MPPED1: variants seen among roughly 807,000 people sequenced by gnomAD.
MPPED1 encodes the protein metallophosphoesterase domain-containing protein 1.
A neutral mutation model predicts 36.2 loss-of-function variants in MPPED1; 16 were observed. That is an observed-to-expected ratio of 0.44 (90% confidence interval 0.30 to 0.67). The LOEUF (loss-of-function observed/expected upper bound fraction) is 0.67. Ranked by LOEUF, MPPED1 falls within the 30% of genes least tolerant of loss-of-function variation. The probability of loss-of-function intolerance (pLI) is 0.10; values close to 1 mark genes in which losing one functional copy is unlikely to be tolerated. For missense variants in MPPED1, 307 were observed against 453.4 expected, an observed-to-expected ratio of 0.68 and a Z score of 2.93; for synonymous variants, 199 against 191.3, an observed-to-expected ratio of 1.04 and a Z score of -0.33.
At chr22:43,435,010 C>T in intron 2 of MPPED1, 24 bp from the exon 3 acceptor site, 1 of 1,608,360 alleles carries the variant, frequency 6.2e-7, no homozygotes. Flanking sequence ...GCCTCCTGAT[C>T]CGCAGTGTCA....
At chr22:43,458,059 G>A (rs1930816905) in intron 3 of MPPED1, among the ~76,000 whole-genome samples, 2 of 152,280 alleles carry the variant, frequency 1.3e-5, no homozygotes, top group South Asian at 2.1e-4. Context: ...GTACAGGTTT[G>A]TAGCCTGTAG....
rs1429938813 is a variant in MPPED1 at position 43,463,857 on chromosome 22, TTCTTTCTTTCTTTCTTTC to T, written c.407-10871_407-10854del. 5.6e-5 allele frequency among the ~76,000 whole-genome samples: 8 copies of T among 143,806 alleles called. No individual in the cohort carries two copies. In the Admixed American group the frequency reaches 5.6e-4, roughly 10 times the overall value. 94.3% of individuals were successfully genotyped at this position (143,806 alleles called of 152,430 possible). ...TTTCTTTCTTTCTTTCTTTCTTTCT[TTCTTTCTTTCTTTCTTTC>T]TCTTTCTGTCTGTCTGTCTTTCTTT... On this transcript the variant is annotated intron_variant, in intron 3 of 6. Coordinates refer to ENST00000443721, the MANE Select transcript of MPPED1 (RefSeq NM_001044370.2).
intron 3 of MPPED1, among the ~76,000 whole-genome samples, chr22:43,473,481 C>T (rs887529206): frequency 6.6e-6 from 1 of 152,216 alleles, no homozygotes; most frequent in African/African-American, 2.4e-5. Context: ...GCTGTGCTGG[C>T]GTCTTTGCTA....
At chr22:43,493,557 A>C (rs1490190603) in intron 4 of MPPED1, among the ~76,000 whole-genome samples, 1 of 152,220 alleles carries the variant, frequency 6.6e-6, no homozygotes, top group Non-Finnish European at 1.5e-5. Context: ...GGGGGCCGGC[A>C]CGCCAGGACC....
intron 3 of MPPED1, among the ~76,000 whole-genome samples, chr22:43,456,834 T>A (rs1315347498): frequency 6.6e-6 from 1 of 152,206 alleles, no homozygotes; most frequent in Non-Finnish European, 1.5e-5. Flanking sequence ...AAGGGTGTTT[T>A]ATTTTGTCAA....
chr22:43,473,119 C>A (rs908150292), intron 3 of MPPED1, among the ~76,000 whole-genome samples: 3 of 152,252 alleles, frequency 2.0e-5, no homozygotes, highest in Non-Finnish European at 2.9e-5. Context: ...CCATGGAATG[C>A]TCACACAGCG....
chr22:43,434,952 T>C (rs1377115617), intron 2 of MPPED1, 82 bp from the exon 3 acceptor site: 16 of 1,425,996 alleles, frequency 1.1e-5, no homozygotes, highest in Non-Finnish European at 1.5e-5. Context: ...CTGTGAGCTG[T>C]GGTGGATGGG....
chr22:43,446,589 A>G (rs549720971), intron 3 of MPPED1, among the ~76,000 whole-genome samples: 2 of 152,130 alleles, frequency 1.3e-5, no homozygotes, highest in Non-Finnish European at 2.9e-5. Flanking sequence ...AGTCTGAGCA[A>G]GTGAGTGGAA....
chr22:43,452,522 C>G (rs1930606911), intron 3 of MPPED1, among the ~76,000 whole-genome samples: 1 of 152,134 alleles, frequency 6.6e-6, no homozygotes, highest in Non-Finnish European at 1.5e-5. Context: ...AGAAAGAGAA[C>G]TGGGGAATGG....
chr22:43,500,744 G>A (rs117181574), intron 5 of MPPED1, among the ~76,000 whole-genome samples: 1 of 152,188 alleles, frequency 6.6e-6, no homozygotes, highest in East Asian at 1.9e-4. Flanking sequence ...GCCTGGGTTG[G>A]AGGGCCCCCA....
At chr22:43,447,872 TA>T (rs1930407353) in intron 3 of MPPED1, among the ~76,000 whole-genome samples, 3 of 29,476 alleles carry the variant, frequency 1.0e-4, no homozygotes, top group Non-Finnish European at 1.2e-4. Flanking sequence ...TATATATATA[TA>T]TATATATATA....
chr22:43,505,997 C>T lies in MPPED1; in HGVS notation c.*381C>T, dbSNP rs139699309. The stretch of plus-strand genomic sequence containing the variant: ...TTTGGAAGTTACACAAAATCTCCCT[C>T]TAACCACGGGTCTGTGTGGCGGCAT... On this transcript the variant is annotated 3_prime_UTR_variant, in exon 7 of 7. Coordinates refer to ENST00000443721, the MANE Select transcript of MPPED1 (RefSeq NM_001044370.2). 4.4e-3 allele frequency: 755 copies of T among 173,138 alleles called. 3 individuals are homozygous for T. Among genetic ancestry groups the T allele is most frequent in the Middle Eastern group, 0.029 (12 of 408 alleles). The allele number at this position is 173,138 out of a possible 1,614,324, so 10.7% of individuals were successfully genotyped here.
At chr22:43,505,390 C>A in intron 6 of MPPED1, 108 bp from the exon 7 acceptor site, 1 of 925,848 alleles carries the variant, frequency 1.1e-6, no homozygotes, top group Non-Finnish European at 1.7e-6. Context: ...CCAGCTTGCC[C>A]CAAACACATT....
chr22:43,414,095 G>T (rs5759329), intron 1 of MPPED1, among the ~76,000 whole-genome samples: 1 of 152,200 alleles, frequency 6.6e-6, no homozygotes, highest in African/African-American at 2.4e-5. Context: ...AGATCTAGGC[G>T]AACAATAAGA....
chr22:43,412,926 C>G (rs1928956400), intron 1 of MPPED1, among the ~76,000 whole-genome samples: 1 of 152,254 alleles, frequency 6.6e-6, no homozygotes, highest in African/African-American at 2.4e-5. Context: ...ATTCAGAGCA[C>G]TGATGTGCCC....
At chr22:43,424,567 T>C (rs1346572140) in intron 1 of MPPED1, among the ~76,000 whole-genome samples, 1 of 151,940 alleles carries the variant, frequency 6.6e-6, no homozygotes, top group African/African-American at 2.4e-5. Context: ...TTACCCCAGC[T>C]CACTGTCACC....
At chr22:43,430,923 C>T (rs73426286) in intron 2 of MPPED1, among the ~76,000 whole-genome samples, 1,866 of 151,274 alleles carry the variant, frequency 0.012, 34 homozygotes, top group African/African-American at 0.043. Flanking sequence ...AGTCTACTGG[C>T]CCATATTAAG....
At chr22:43,431,168 A>G (rs1929673968) in intron 2 of MPPED1, among the ~76,000 whole-genome samples, 1 of 150,104 alleles carries the variant, frequency 6.7e-6, no homozygotes, top group South Asian at 2.1e-4. Flanking sequence ...CAGCCTCCAT[A>G]GTAGCTGACA....
intron 4 of MPPED1, among the ~76,000 whole-genome samples, chr22:43,477,897 G>A (rs1345909789): frequency 1.3e-5 from 2 of 152,228 alleles, no homozygotes; most frequent in South Asian, 2.1e-4. Flanking sequence ...CTTGTTGGGG[G>A]GTTGTGAGGT....
Sources: allele counts gnomAD v4.1 joint callset (sites outside exome capture counted in the v4.1 genomes callset), GRCh38; gene constraint gnomAD v4.1.1; transcripts MANE v1.5; gene names NCBI Gene and HGNC (gene_info 2026-07-23, HGNC 2026-07-21).